The following KSR2 variants were observed in gnomAD, a reference collection of about 807,000 sequenced individuals.
KSR2 encodes the protein kinase suppressor of ras 2.
In KSR2, 25 loss-of-function variants were observed where a neutral mutation model predicts 107.8. The ratio of observed to expected loss-of-function variants is 0.23; its 90% CI spans 0.17 to 0.32. The LOEUF is 0.32. Ranked by LOEUF, KSR2 falls within the 10% of genes least tolerant of loss-of-function variation. The probability of loss-of-function intolerance (pLI) is 1.00; values close to 1 mark genes in which losing one functional copy is unlikely to be tolerated. For synonymous variants in KSR2, 480 were observed against 507.0 expected (o/e 0.95, Z 0.71); for missense variants, 887 against 1,268.9 (o/e 0.70, Z 4.57).
chr12:117,644,047 A>G (rs961970952), intron 5 of KSR2, among the ~76,000 whole-genome samples: 1 of 152,168 alleles, frequency 6.6e-6, no homozygotes, highest in Non-Finnish European at 1.5e-5. Flanking sequence ...CGTCCATCCC[A>G]GGAAGCACAG....
chr12:117,717,718 C>T (rs1017323407), intron 4 of KSR2, among the ~76,000 whole-genome samples: 130 of 145,796 alleles, frequency 8.9e-4, no homozygotes, highest in African/African-American at 3.0e-3. Flanking sequence ...TGTGTGCATG[C>T]GCGCGCGTGC....
chr12:117,486,062 A>G (rs539795273), intron 14 of KSR2, among the ~76,000 whole-genome samples: 3 of 152,212 alleles, frequency 2.0e-5, no homozygotes, highest in Admixed American at 6.5e-5. Context: ...TTGGCCATTC[A>G]CACCAGCTGC....
At chr12:117,879,779 A>ATGTT (rs1434846855) in intron 1 of KSR2, among the ~76,000 whole-genome samples, 2 of 152,224 alleles carry the variant, frequency 1.3e-5, no homozygotes. Flanking sequence ...TTTTTTGAAG[A>ATGTT]TGTTTAATTA....
At chr12:117,494,720 C>T (rs1040292929) in intron 14 of KSR2, among the ~76,000 whole-genome samples, 14 of 152,306 alleles carry the variant, frequency 9.2e-5, no homozygotes, top group African/African-American at 3.4e-4. Context: ...CAGAGAGATA[C>T]AAGTGCTGTA....
At chr12:117,822,999 A>G (rs934966914) in intron 3 of KSR2, among the ~76,000 whole-genome samples, 1 of 152,178 alleles carries the variant, frequency 6.6e-6, no homozygotes, top group Non-Finnish European at 1.5e-5. Context: ...AGAAAAATAC[A>G]TTTAAGCCAG....
chr12:117,508,665 A>G (rs2137192859), intron 14 of KSR2, among the ~76,000 whole-genome samples: 1 of 151,592 alleles, frequency 6.6e-6, no homozygotes, highest in South Asian at 2.1e-4. Context: ...GGATAGGTGG[A>G]CTGACAGGAT....
intron 19 of KSR2, 40 bp from the exon 20 acceptor site, chr12:117,467,245 C>G (rs754494716): frequency 1.1e-5 from 8 of 713,114 alleles, no homozygotes; most frequent in Non-Finnish European, 1.8e-5. Context: ...TGAGAGGTCA[C>G]AAGGACATGA....
rs183013114 is a variant in KSR2 at position 117,963,138 on chromosome 12, C to T, written c.180+4938G>A. ...CTGGGAAGCGGAGGTTGCAATGAGC[C>T]GAGATCACGCCACTGCACTCCAGCC... On this transcript the variant is annotated intron_variant, in intron 1 of 19. Coordinates refer to ENST00000339824, the MANE Select transcript of KSR2 (RefSeq NM_173598.6). Among the ~76,000 whole-genome samples the T allele has an allele frequency of 3.4e-4, 51 of 151,836 alleles. 1 individual carries two copies. The highest frequency in any genetic ancestry group is 2.9e-3 in the Admixed American group (44 of 15,254).
At chr12:117,532,588 C>A (rs1374649568) in intron 10 of KSR2, among the ~76,000 whole-genome samples, 1 of 152,164 alleles carries the variant, frequency 6.6e-6, no homozygotes, top group Non-Finnish European at 1.5e-5. Flanking sequence ...TTCTACCTAC[C>A]ACAAGCATGA....
chr12:117,770,603 G>C (rs993630930), intron 3 of KSR2, among the ~76,000 whole-genome samples: 1 of 151,960 alleles, frequency 6.6e-6, no homozygotes, highest in African/African-American at 2.4e-5. Flanking sequence ...AAGCCTGCCT[G>C]TGGAGTGCAG....
chr12:117,622,674 A>T (rs1882256634), intron 5 of KSR2, among the ~76,000 whole-genome samples: 2 of 151,958 alleles, frequency 1.3e-5, no homozygotes, highest in Admixed American at 1.3e-4. Context: ...TTCCAGATCC[A>T]CTCTGTGCCA....
intron 1 of KSR2, among the ~76,000 whole-genome samples, chr12:117,921,143 T>G (rs1253197211): frequency 6.6e-6 from 1 of 152,190 alleles, no homozygotes; most frequent in Non-Finnish European, 1.5e-5. Flanking sequence ...TTTCCTCATC[T>G]GCAAAATAAG....
At chr12:117,658,302 TG>T (rs1884272546) in intron 5 of KSR2, among the ~76,000 whole-genome samples, 1 of 152,208 alleles carries the variant, frequency 6.6e-6, no homozygotes, top group Non-Finnish European at 1.5e-5. Context: ...GGATTGGATT[TG>T]GGTCAAAGTG....
At position 117,603,160 on chromosome 12, in the gene KSR2, A is replaced by G. The variant is rs1881050021; in HGVS notation, c.1172-20801T>C. On this transcript the variant is annotated intron_variant, in intron 5 of 19. Transcript: ENST00000339824. ...CTTCTGGGTATAGTTGTTTCAAGTT[A>G]TGGGATTTATGCAAATAGAAATATG... 2.0e-5 allele frequency among the ~76,000 whole-genome samples: 3 copies of G among 152,206 alleles called. No individual in the cohort carries two copies. The South Asian group carries it at 6.2e-4, about 31-fold the overall frequency.
intron 3 of KSR2, among the ~76,000 whole-genome samples, chr12:117,818,108 TAA>T (rs58438814): frequency 1.4e-5 from 2 of 145,160 alleles, no homozygotes; most frequent in African/African-American, 2.5e-5. Flanking sequence ...TTCAAAAAAA[TAA>T]AAAAAAAAAA....
chr12:117,861,378 CTTTTTTTTTTTT>C (rs5801257), intron 1 of KSR2, among the ~76,000 whole-genome samples: 4 of 81,684 alleles, frequency 4.9e-5, no homozygotes, highest in African/African-American at 5.7e-5. Flanking sequence ...TCCCAATTCG[CTTTTTTTTTTTT>C]TTTTTTTTTT....
intron 4 of KSR2, chr12:117,674,358 T>C (rs1235407792): frequency 4.2e-6 from 2 of 475,920 alleles, no homozygotes; most frequent in African/African-American, 2.0e-5. Context: ...TTTGTTATAC[T>C]AAAGTGAAAT....
intron 1 of KSR2, among the ~76,000 whole-genome samples, chr12:117,887,068 C>T (rs1223604280): frequency 6.6e-6 from 1 of 151,924 alleles, no homozygotes; most frequent in East Asian, 1.9e-4. Flanking sequence ...GGACTACGGG[C>T]GCTCATTGCC....
rs549026233 is a variant in KSR2, at chr12:117,701,823, G to A, written c.987-34165C>T. ...GTCAAGGATTTCTGGAGCAACGGAG[G>A]CTGCATGAGGCAAGGGAAGATCCTC... On this transcript the variant is annotated intron_variant, in intron 4 of 19. Transcript: ENST00000339824. Among the ~76,000 whole-genome samples the A allele has an allele frequency of 2.0e-5, 3 of 152,278 alleles. No homozygotes were observed. In the East Asian group the frequency reaches 5.8e-4, roughly 29 times the overall value.
Sources: gnomAD v4.1 joint callset for allele counts (sites outside exome capture counted in the v4.1 genomes callset) on GRCh38, gnomAD v4.1.1 for gene constraint, MANE v1.5 for transcripts, NCBI Gene and HGNC (gene_info 2026-07-23, HGNC 2026-07-21) for gene names.